Variants in PRKN observed in about 807,000 individuals in gnomAD.
The protein encoded by PRKN is parkin RBR E3 ubiquitin protein ligase.
PRKN carries 56 observed loss-of-function variants against 59.5 expected under a neutral mutation model. The observed-to-expected ratio is 0.94, with a 90% confidence interval of 0.76 to 1.18. PRKN has a LOEUF of 1.18. Ranked by LOEUF, PRKN falls within the 50% of genes most tolerant of loss-of-function variation. The probability of loss-of-function intolerance (pLI) is 0.00; values close to 1 mark genes in which losing one functional copy is unlikely to be tolerated. For synonymous variants in PRKN, 250 were observed against 222.1 expected (o/e 1.13, Z -1.12); for missense variants, 657 against 596.4 (o/e 1.10, Z -1.06).
chr6:162,433,020 T>G (rs1789611059), intron 2 of PRKN, among the ~76,000 whole-genome samples: 1 of 152,204 alleles, frequency 6.6e-6, no homozygotes, highest in Non-Finnish European at 1.5e-5. Context: ...CTCAGTTAGT[T>G]CAAGTGTGGA....
intron 2 of PRKN, among the ~76,000 whole-genome samples, chr6:162,272,991 C>A (rs76925178): frequency 0.16 from 19,801 of 126,894 alleles, 1,628 homozygotes; most frequent in Admixed American, 0.27. Context: ...CAGAGTAAGC[C>A]TGTGTCTGAA....
At chr6:162,684,956 G>A (rs1001734115) in intron 1 of PRKN, among the ~76,000 whole-genome samples, 9 of 152,002 alleles carry the variant, frequency 5.9e-5, no homozygotes, top group African/African-American at 2.2e-4. Context: ...TAAGCCTAGT[G>A]TTTTTCATAA....
At position 162,156,197 on chromosome 6, in the gene PRKN, A is replaced by C. The variant is rs532333233; in HGVS notation, c.534+44934T>G. ...TACCAATGACAGTCAAAGGCCACTG[A>C]ATAGGCCACTGAATAATGGAATTGT... On this transcript the variant is annotated intron_variant, in intron 4 of 11. Coordinates refer to ENST00000366898, the MANE Select transcript of PRKN (RefSeq NM_004562.3). Among the ~76,000 whole-genome samples the C allele has an allele frequency of 3.9e-5, 6 of 152,360 alleles. No individual in the cohort carries two copies. In the South Asian group the frequency reaches 1.2e-3, roughly 32 times the overall value.
chr6:162,249,764 T>C (rs966191815), intron 3 of PRKN, among the ~76,000 whole-genome samples: 12 of 152,138 alleles, frequency 7.9e-5, no homozygotes, highest in African/African-American at 2.7e-4. Flanking sequence ...AACAGTCTCA[T>C]TGGAACTATG....
intron 1 of PRKN, among the ~76,000 whole-genome samples, chr6:162,514,211 TTTC>T (rs1397977017): frequency 1.3e-5 from 2 of 152,152 alleles, no homozygotes; most frequent in African/African-American, 4.8e-5. Context: ...TTAAGACTAA[TTTC>T]TTCTCTTTCA....
intron 9 of PRKN, among the ~76,000 whole-genome samples, chr6:161,438,717 T>G (rs1212486492): frequency 6.6e-6 from 1 of 152,142 alleles, no homozygotes; most frequent in Non-Finnish European, 1.5e-5. Flanking sequence ...TGTTAAGGAA[T>G]TAGTAAACCG....
intron 7 of PRKN, among the ~76,000 whole-genome samples, chr6:161,664,071 G>T (rs1319538153): frequency 6.6e-6 from 1 of 152,156 alleles, no homozygotes. Context: ...CCCATTTCTG[G>T]TAAGTCACTC....
chr6:162,397,826 C>T (rs927147548), intron 2 of PRKN, among the ~76,000 whole-genome samples: 2 of 151,956 alleles, frequency 1.3e-5, no homozygotes, highest in African/African-American at 4.8e-5. Flanking sequence ...CACTTGAGGT[C>T]AGGAGTTCAA....
rs915987501 is a variant in PRKN, at chr6:161,906,674, ATG to A, written c.734+66626_734+66627del. ...ATAGAACATACATATATATATATAT[ATG>A]TATATATGAGTTTATTTAGTAGTAT... On this transcript the variant is annotated intron_variant, in intron 6 of 11. Coordinates refer to ENST00000366898, the MANE Select transcript of PRKN (RefSeq NM_004562.3). Among the ~76,000 whole-genome samples the A allele has an allele frequency of 2.0e-3, 231 of 115,142 alleles. 28 individuals carry two copies. Among genetic ancestry groups the A allele is most frequent in the African/African-American group, 5.9e-3 (198 of 33,426 alleles). 75.5% of individuals were successfully genotyped at this position (115,142 alleles called of 152,430 possible). A position where few individuals can be genotyped will look rare whatever the true frequency, so the allele number is the denominator to read the frequency against.
chr6:162,518,632 G>A (rs1223358415), intron 1 of PRKN, among the ~76,000 whole-genome samples: 4 of 152,156 alleles, frequency 2.6e-5, no homozygotes, highest in African/African-American at 9.7e-5. Flanking sequence ...ATACCAAACT[G>A]CTGAGACTGC....
intron 7 of PRKN, among the ~76,000 whole-genome samples, chr6:161,705,187 C>T (rs532762321): frequency 8.5e-5 from 13 of 152,250 alleles, no homozygotes; most frequent in Admixed American, 8.5e-4. Flanking sequence ...GGGATTACCT[C>T]CCAATAAGCC....
rs577156341 is a variant in PRKN at position 161,419,234 on chromosome 6, AT to A, written c.1084-32358del. On this transcript the variant is annotated intron_variant, in intron 9 of 11. Coordinates refer to ENST00000366898, the MANE Select transcript of PRKN (RefSeq NM_004562.3). The surrounding 1 kb of genome is among the most constrained non-coding windows in gnomAD (Gnocchi z 4.1). Reference sequence around the variant, plus strand: ...CACCTGTTCCCCCACTTATGTGACCATTTTACAATGAAGAAATGGATGTTTA... The same window carrying A: ...CACCTGTTCCCCCACTTATGTGACCATTTACAATGAAGAAATGGATGTTTA... Among the ~76,000 whole-genome samples, 26 of 152,264 alleles carry A rather than the reference AT, an allele frequency of 1.7e-4. No individual in the cohort carries two copies. Among genetic ancestry groups the A allele is most frequent in the Non-Finnish European group, 3.4e-4 (23 of 68,030 alleles).
intron 7 of PRKN, chr6:161,716,161 G>T (rs752169116): frequency 1.5e-5 from 18 of 1,237,522 alleles, no homozygotes; most frequent in East Asian, 1.4e-4. Context: ...AGGAGACTGG[G>T]TTAATTTGAT....
In PRKN at chr6:161,679,429, C is replaced by T. The variant is rs541678233; in HGVS notation, c.871+106343G>A. Among the ~76,000 whole-genome samples the T allele has an allele frequency of 2.7e-3, 404 of 152,180 alleles. 1 individual carries two copies. The highest frequency in any genetic ancestry group is 4.5e-3 in the Non-Finnish European group (309 of 68,010). On this transcript the variant is annotated intron_variant, in intron 7 of 11. Transcript: ENST00000366898. ...GCGCGCCTCTGACCCCTGAGCCACA[C>T]TCGGGAGGAACCCCACACTCTGGCA...
intron 6 of PRKN, among the ~76,000 whole-genome samples, chr6:161,947,173 AC>A (rs1362706728): frequency 5.3e-5 from 8 of 152,334 alleles, no homozygotes; most frequent in Admixed American, 4.6e-4. Context: ...GCATGTACAT[AC>A]CTTTATAGAT....
intron 1 of PRKN, among the ~76,000 whole-genome samples, chr6:162,520,843 G>A (rs755413971): frequency 4.0e-5 from 6 of 151,634 alleles, no homozygotes; most frequent in Non-Finnish European, 7.4e-5. Context: ...CTGATCCAAT[G>A]ACTTTCGCTA....
In PRKN at chr6:161,545,497, T is replaced by C. The variant is rs537008124; in HGVS notation, c.1083+3357A>G. On this transcript the variant is annotated intron_variant, in intron 9 of 11. Coordinates refer to ENST00000366898, the MANE Select transcript of PRKN (RefSeq NM_004562.3). This position sits in a 1 kb window ranked among gnomAD's most constrained non-coding sequence, Gnocchi z 4.1. ...CTTCTAACTTTTATGTATTTGGCCA[T>C]GTTCTACTTCTGAAATGACATAATC... 39 of 1,160,500 alleles carry C rather than the reference T, an allele frequency of 3.4e-5. No homozygotes were observed. The highest frequency in any genetic ancestry group is 8.7e-5 in the Admixed American group (5 of 57,532). The allele number at this position is 1,160,500 out of a possible 1,614,324, so 71.9% of individuals were successfully genotyped here. A position where few individuals can be genotyped will look rare whatever the true frequency, so the allele number is the denominator to read the frequency against.
chr6:161,540,499 C>A (rs1779579287), intron 9 of PRKN, among the ~76,000 whole-genome samples: 1 of 152,078 alleles, frequency 6.6e-6, no homozygotes, highest in African/African-American at 2.4e-5. Context: ...ACATTTGAGG[C>A]AAATAAACCA....
chr6:161,847,747 T>C (rs1184048217), intron 6 of PRKN, among the ~76,000 whole-genome samples: 1 of 152,162 alleles, frequency 6.6e-6, no homozygotes, highest in Non-Finnish European at 1.5e-5. Flanking sequence ...TCAGCAAATA[T>C]TTGCTGAATA....
Sources: allele counts gnomAD v4.1 joint callset (sites outside exome capture counted in the v4.1 genomes callset), GRCh38; gene constraint gnomAD v4.1.1; non-coding constraint Gnocchi (gnomAD v3.1); transcripts MANE v1.5; gene names NCBI Gene and HGNC (gene_info 2026-07-23, HGNC 2026-07-21).